Variants in TLL2 observed in about 807,000 individuals in gnomAD.
TLL2 encodes tolloid-like protein 2.
TLL2 carries 106 observed loss-of-function variants against 123.0 expected under a neutral mutation model. The ratio of observed to expected loss-of-function variants is 0.86; its 90% CI spans 0.74 to 1.01. The LOEUF (loss-of-function observed/expected upper bound fraction) is 1.01, where lower values mean the gene tolerates loss of function less well. Among genes scored for constraint, TLL2 ranks in the 50% least tolerant of loss-of-function variants. TLL2 has a pLI of 0.00. For missense variants in TLL2, 1,332 were observed against 1,336.7 expected, an observed-to-expected ratio of 1.00 and a Z score of 0.06; for synonymous variants, 494 against 516.8, an observed-to-expected ratio of 0.96 and a Z score of 0.60.
chr10:96,465,267 G>T (rs1847117613), intron 2 of TLL2, among the ~76,000 whole-genome samples: 1 of 152,180 alleles, frequency 6.6e-6, no homozygotes, highest in Admixed American at 6.5e-5. Flanking sequence ...TTTCCTGGGG[G>T]CTGGCATTTG....
At chr10:96,458,390 C>T (rs1180209133) in intron 2 of TLL2, among the ~76,000 whole-genome samples, 2 of 151,858 alleles carry the variant, frequency 1.3e-5, no homozygotes, top group African/African-American at 4.8e-5. Flanking sequence ...AGTTCGAGAC[C>T]AGCCTACCCA....
intron 3 of TLL2, among the ~76,000 whole-genome samples, chr10:96,441,236 C>T (rs1373344347): frequency 2.0e-5 from 3 of 152,214 alleles, no homozygotes; most frequent in East Asian, 1.9e-4. Context: ...CATTCCCACA[C>T]GGGAAGTAAA....
At chr10:96,389,300 G>A (rs1846263521) in intron 13 of TLL2, among the ~76,000 whole-genome samples, 2 of 152,132 alleles carry the variant, frequency 1.3e-5, no homozygotes, top group Admixed American at 1.3e-4. Flanking sequence ...TGAAGTACCC[G>A]GCATACAGAC....
At chr10:96,509,344 T>A (rs1847605246) in intron 1 of TLL2, among the ~76,000 whole-genome samples, 2 of 152,000 alleles carry the variant, frequency 1.3e-5, no homozygotes, top group African/African-American at 4.8e-5. Context: ...AATGCTTTCT[T>A]ACAGAGGAAT....
chr10:96,446,362 C>A (rs1029337229), intron 2 of TLL2, among the ~76,000 whole-genome samples, 194 bp from the exon 3 acceptor site: 2 of 152,224 alleles, frequency 1.3e-5, no homozygotes, highest in Non-Finnish European at 2.9e-5. Flanking sequence ...AAAAACGAAC[C>A]TGCTTTGTTT....
intron 2 of TLL2, among the ~76,000 whole-genome samples, chr10:96,472,412 T>C (rs1847192473): frequency 6.6e-6 from 1 of 152,188 alleles, no homozygotes; most frequent in Non-Finnish European, 1.5e-5. Context: ...TTGGGGAATG[T>C]CTGCACAGGG....
Position 96,465,760 on chromosome 10 carries a change from C to T in TLL2, c.286+14589G>A, listed in dbSNP as rs150297171. On this transcript the variant is annotated intron_variant, in intron 2 of 20. Coordinates refer to ENST00000357947, the MANE Select transcript of TLL2 (RefSeq NM_012465.4). Reference sequence around the variant, plus strand: ...GGCAGGCAGGGAGCACTGAAGTGAACGGGGTTGGGTGTGAAGATGAATAGG... The same window carrying T: ...GGCAGGCAGGGAGCACTGAAGTGAATGGGGTTGGGTGTGAAGATGAATAGG... Among the ~76,000 whole-genome samples, 406 of 152,204 alleles carry T rather than the reference C, an allele frequency of 2.7e-3. 2 individuals are homozygous for T. Among genetic ancestry groups the T allele is most frequent in the African/African-American group, 9.3e-3 (387 of 41,534 alleles).
At chr10:96,497,666 C>A (rs535903993) in intron 1 of TLL2, among the ~76,000 whole-genome samples, 1 of 152,232 alleles carries the variant, frequency 6.6e-6, no homozygotes, top group South Asian at 2.1e-4. Context: ...CTGCCCCTCA[C>A]CACAGGGATA....
At chr10:96,478,728 G>A (rs924774168) in intron 2 of TLL2, among the ~76,000 whole-genome samples, 4 of 152,190 alleles carry the variant, frequency 2.6e-5, no homozygotes, top group Non-Finnish European at 5.9e-5. Context: ...AATACAGACT[G>A]TACGACTCCA....
intron 20 of TLL2, among the ~76,000 whole-genome samples, chr10:96,369,427 G>A (rs1481898060): frequency 1.3e-5 from 2 of 152,142 alleles, no homozygotes; most frequent in African/African-American, 4.8e-5. Flanking sequence ...ATATATAAAA[G>A]CATAATTAAA....
chr10:96,459,705 A>T (rs7076913), intron 2 of TLL2, among the ~76,000 whole-genome samples: 4,460 of 37,768 alleles, frequency 0.12, 399 homozygotes, highest in Non-Finnish European at 0.14. Flanking sequence ...AAAAAAAAAA[A>T]ATATATATAT....
chr10:96,505,844 C>A (rs1362429370), intron 1 of TLL2, among the ~76,000 whole-genome samples: 1 of 152,160 alleles, frequency 6.6e-6, no homozygotes, highest in Non-Finnish European at 1.5e-5. Context: ...GGCATGGTAC[C>A]AAGTGCCTTC....
intron 2 of TLL2, among the ~76,000 whole-genome samples, chr10:96,469,812 T>A (rs780355933): frequency 4.6e-5 from 7 of 152,202 alleles, no homozygotes; most frequent in Non-Finnish European, 1.0e-4. Flanking sequence ...ATATTTTACA[T>A]AAGGAAGGAG....
At chr10:96,496,473 C>G (rs990902022) in intron 1 of TLL2, among the ~76,000 whole-genome samples, 1 of 152,222 alleles carries the variant, frequency 6.6e-6, no homozygotes, top group Non-Finnish European at 1.5e-5. Flanking sequence ...AAGCTGACTG[C>G]TTCTCAAGAG....
chr10:96,432,943 T>A lies in TLL2; in HGVS notation c.384A>T (p.Thr128=). Residue 128 remains threonine, a synonymous_variant, in exon 4 of 21, where the codon ACA becomes ACT. Transcript: ENST00000357947. Reference sequence around the variant, plus strand: ...GCAAGGTCCCAGGGCTGTGCAGGAGTGTGGTATTCTCCCGGCCATCTGCAA... The same window carrying A: ...GCAAGGTCCCAGGGCTGTGCAGGAGAGTGGTATTCTCCCGGCCATCTGCAA... ...EAGKDGRENT[T]LLHSPGTLHA... 6.2e-7 allele frequency: 1 copy of A among 1,612,318 alleles called. No homozygotes were observed. Among genetic ancestry groups the A allele is most frequent in the Non-Finnish European group, 8.5e-7 (1 of 1,179,092 alleles).
At position 96,513,740 on chromosome 10, in the gene TLL2, G is replaced by T; in HGVS notation, c.-55C>A. The T allele has an allele frequency of 1.4e-6, 2 of 1,431,840 alleles. No individual in the cohort carries two copies. The allele number at this position is 1,431,840 out of a possible 1,614,324, so 88.7% of individuals were successfully genotyped here. On this transcript the variant is annotated 5_prime_UTR_variant, in exon 1 of 21. Coordinates refer to ENST00000357947, the MANE Select transcript of TLL2 (RefSeq NM_012465.4). ...AGTTGCGTGCACGAAAGCTCAGCTCGGCCGAAAGACGGCGCACACTGGGTC... is the reference window on the plus strand; with the variant it reads ...AGTTGCGTGCACGAAAGCTCAGCTCTGCCGAAAGACGGCGCACACTGGGTC...
At chr10:96,506,275 A>AAAG (rs1847579466) in intron 1 of TLL2, among the ~76,000 whole-genome samples, 2 of 150,404 alleles carry the variant, frequency 1.3e-5, no homozygotes, top group Middle Eastern at 6.8e-3. Context: ...AGAAAAAAAA[A>AAAG]AAAGAAAAAA....
At chr10:96,470,485 G>T (rs918198038) in intron 2 of TLL2, among the ~76,000 whole-genome samples, 15 of 152,242 alleles carry the variant, frequency 9.9e-5, no homozygotes, top group African/African-American at 3.6e-4. Context: ...TCGGGCAGAT[G>T]CTGAATAAAT....
intron 12 of TLL2, 43 bp from the exon 13 acceptor site, chr10:96,395,425 G>A: frequency 1.3e-6 from 2 of 1,508,316 alleles, no homozygotes; most frequent in Non-Finnish European, 1.8e-6. Context: ...AGATGGTTCT[G>A]CTTTAAGGTT....
Sources: gnomAD v4.1 joint callset for allele counts (sites outside exome capture counted in the v4.1 genomes callset) on GRCh38, gnomAD v4.1.1 for gene constraint, MANE v1.5 for transcripts, NCBI Gene and HGNC (gene_info 2026-07-23, HGNC 2026-07-21) for gene names.